The following PCDHGB6 variants were observed in gnomAD, a reference collection of about 807,000 sequenced individuals.
PCDHGB6 encodes protocadherin gamma subfamily B, 6, also known as protocadherin gamma-B6.
In PCDHGB6, 51 loss-of-function variants were observed where a neutral mutation model predicts 59.1. The observed-to-expected ratio is 0.86, with a 90% confidence interval of 0.69 to 1.09. The LOEUF is 1.09. PCDHGB6 is among the 50% of genes least tolerant of loss of function. The pLI, the probability that PCDHGB6 is intolerant of heterozygous loss-of-function variation, is 0.00. For missense variants in PCDHGB6, 1,148 were observed against 1,205.1 expected, an observed-to-expected ratio of 0.95 and a Z score of 0.70; for synonymous variants, 466 against 495.1, an observed-to-expected ratio of 0.94 and a Z score of 0.78.
chr5:141,458,701 C>A (rs1057501287), intron 1 of PCDHGB6, among the ~76,000 whole-genome samples: 3 of 152,088 alleles, frequency 2.0e-5, no homozygotes, highest in Non-Finnish European at 2.9e-5. Context: ...TCCCGAGTAG[C>A]TGGGATTACA....
Position 141,511,151 on chromosome 5 carries a change from C to G in PCDHGB6, c.2771C>G (p.Ser924Trp). The change falls in exon 4 of 4, where the codon TCG becomes TGG. Residue 924 changes from serine (S) to tryptophan (W), a missense_variant. Around this residue, in one of 5 missense-constraint regions of PCDHGB6, gnomAD observed 283 missense variants for 318.6 expected, o/e 0.89. Transcript: ENST00000520790. ...PAGGNGNKKK[S>W]GKKEKK ...GGTGGCAATGGCAACAAGAAGAAGTCGGGCAAGAAGGAGAAGAAGTAACAT... is the reference window on the plus strand; with the variant it reads ...GGTGGCAATGGCAACAAGAAGAAGTGGGGCAAGAAGGAGAAGAAGTAACAT... The G allele has an allele frequency of 6.2e-7, 1 of 1,614,152 alleles. No individual in the cohort carries two copies. Among genetic ancestry groups the G allele is most frequent in the Non-Finnish European group, 8.5e-7 (1 of 1,179,994 alleles).
intron 2 of PCDHGB6, among the ~76,000 whole-genome samples, chr5:141,501,751 C>G (rs188896150): frequency 1.4e-3 from 218 of 152,250 alleles, no homozygotes; most frequent in South Asian, 3.1e-3. Flanking sequence ...ATAGGAAGCT[C>G]TCAGTAAATG....
intron 1 of PCDHGB6, chr5:141,478,485 G>C (rs2099459345): frequency 1.2e-6 from 2 of 1,613,204 alleles, no homozygotes; most frequent in East Asian, 4.5e-5. Flanking sequence ...AACACGCTGC[G>C]GAGCTGTGAT....
At chr5:141,415,709 C>A in intron 1 of PCDHGB6, 1 of 1,092,276 alleles carries the variant, frequency 9.2e-7, no homozygotes, top group Non-Finnish European at 1.3e-6. Context: ...AATGCTAAAA[C>A]ACTGATGAGT....
At chr5:141,509,454 G>T (rs1164813611) in intron 3 of PCDHGB6, among the ~76,000 whole-genome samples, 2 of 151,976 alleles carry the variant, frequency 1.3e-5, no homozygotes, top group African/African-American at 2.4e-5. Flanking sequence ...TCCCACCCCC[G>T]ACCCAGTCAG....
chr5:141,462,202 C>T (rs188546035), intron 1 of PCDHGB6, among the ~76,000 whole-genome samples: 1,522 of 152,002 alleles, frequency 0.01, 33 homozygotes, highest in African/African-American at 0.034. Flanking sequence ...TCAGGTGATC[C>T]GCCTGCCTCG....
intron 1 of PCDHGB6, chr5:141,417,708 G>C (rs1028054307): frequency 1.2e-4 from 152 of 1,227,878 alleles, no homozygotes; most frequent in East Asian, 4.9e-4. Context: ...CCACACAGAG[G>C]CTCCCGGCTG....
intron 1 of PCDHGB6, among the ~76,000 whole-genome samples, chr5:141,473,759 C>G (rs989399714): frequency 3.3e-5 from 5 of 152,158 alleles, no homozygotes; most frequent in African/African-American, 1.2e-4. Flanking sequence ...GGATACTATG[C>G]AAAGGATTTG....
chr5:141,476,825 G>A lies in PCDHGB6; in HGVS notation c.2419-17982G>A. ...GCCTATTCACATCAAGGTGCTGGACGCGAATGACAATGCGCCTGTCTTCAA... is the reference window on the plus strand; with the variant it reads ...GCCTATTCACATCAAGGTGCTGGACACGAATGACAATGCGCCTGTCTTCAA... On this transcript the variant is annotated intron_variant, in intron 1 of 3. Transcript: ENST00000520790. The surrounding 1 kb of genome is among the most constrained non-coding windows in gnomAD (Gnocchi z 7.6). 6.2e-7 allele frequency: 1 copy of A among 1,613,554 alleles called. No individual in the cohort carries two copies. Among genetic ancestry groups the A allele is most frequent in the East Asian group, 2.2e-5 (1 of 44,870 alleles).
chr5:141,494,812 C>G lies in PCDHGB6; in HGVS notation c.2424C>G (p.Ala808=). The part of the protein sequence containing the change: ...TSHPETLTSQ[A]PPNTDWRFSQ... ...TCCCTCTGTTTTCTCCACAGCAAGCCCCGCCCAACACGGACTGGCGTTTCT... is the reference window on the plus strand; with the variant it reads ...TCCCTCTGTTTTCTCCACAGCAAGCGCCGCCCAACACGGACTGGCGTTTCT... The change falls in exon 2 of 4, where the codon GCC becomes GCG. Residue 808 remains alanine, a synonymous_variant. Coordinates refer to ENST00000520790, the MANE Select transcript of PCDHGB6 (RefSeq NM_018926.3). 4 of 1,614,146 alleles carry G rather than the reference C, an allele frequency of 2.5e-6. No homozygotes were observed. The highest frequency in any genetic ancestry group is 3.4e-6 in the Non-Finnish European group (4 of 1,180,016).
rs540507159 is a variant in PCDHGB6 at position 141,422,671 on chromosome 5, A to G, written c.2418+12051A>G. On this transcript the variant is annotated intron_variant, in intron 1 of 3. Coordinates refer to ENST00000520790, the MANE Select transcript of PCDHGB6 (RefSeq NM_018926.3). The stretch of plus-strand genomic sequence containing the variant: ...CTCAGTGACCGCCCTCGACCCGGAC[A>G]GCAAACAGAATGCCCTGGTCACTTA... 4 of 1,607,248 alleles carry G rather than the reference A, an allele frequency of 2.5e-6. No homozygotes were observed. The Admixed American group carries it at 5.0e-5, about 20-fold the overall frequency.
chr5:141,430,720 T>G, intron 1 of PCDHGB6: 1 of 1,486,390 alleles, frequency 6.7e-7, no homozygotes, highest in East Asian at 2.4e-5. Flanking sequence ...ACTTCAGTGG[T>G]TAAGGGCAGA....
chr5:141,408,655 A>G lies in PCDHGB6; in HGVS notation c.453A>G (p.Arg151=), dbSNP rs778418746. The change falls in exon 1 of 4, where the codon CGA becomes CGG. Residue 151 remains arginine, a synonymous_variant. Transcript: ENST00000520790. The part of the protein sequence containing the change: ...EIFESASAGT[R]LSLDPATDPD... Reference sequence around the variant, plus strand: ...TCGAATCTGCATCCGCTGGTACACGACTATCGCTTGACCCTGCCACGGATC... The same window carrying G: ...TCGAATCTGCATCCGCTGGTACACGGCTATCGCTTGACCCTGCCACGGATC... The G allele has an allele frequency of 6.2e-7, 1 of 1,613,928 alleles. No homozygotes were observed. Among genetic ancestry groups the G allele is most frequent in the African/African-American group, 1.3e-5 (1 of 74,928 alleles).
In PCDHGB6 at chr5:141,487,258, G is replaced by T. The variant is rs368598017; in HGVS notation, c.2419-7549G>T. On this transcript the variant is annotated intron_variant, in intron 1 of 3. Transcript: ENST00000520790. The surrounding 1 kb of genome is among the most constrained non-coding windows in gnomAD (Gnocchi z 5.0). ...CTCGTCTAACCCTCTACTTGGCTGT[G>T]TCCCTAGTGGCAATTTGCTTTGTCT... 1.5e-4 allele frequency: 240 copies of T among 1,614,026 alleles called. 1 individual carries two copies. The highest frequency in any genetic ancestry group is 3.3e-5 in the Admixed American group (2 of 60,004).
intron 1 of PCDHGB6, chr5:141,419,779 G>A (rs1439735185): frequency 1.2e-6 from 2 of 1,614,064 alleles, no homozygotes; most frequent in Non-Finnish European, 8.5e-7. Flanking sequence ...CGGTCCGCCA[G>A]CGCCTGCTAG....
intron 1 of PCDHGB6, among the ~76,000 whole-genome samples, chr5:141,434,881 A>C (rs1221252749): frequency 6.6e-6 from 1 of 151,958 alleles, no homozygotes; most frequent in Non-Finnish European, 1.5e-5. Context: ...AGATACCAAC[A>C]ACAATCCAGT....
In PCDHGB6 at chr5:141,487,218, C is replaced by G. The variant is rs2099641338; in HGVS notation, c.2419-7589C>G. The stretch of plus-strand genomic sequence containing the variant: ...CCAGATCTTCGAGAATCTTCAGCTC[C>G]AAGGGAAGGAGAATCTCGTCTAACC... On this transcript the variant is annotated intron_variant, in intron 1 of 3. Transcript: ENST00000520790. The surrounding 1 kb of genome is among the most constrained non-coding windows in gnomAD (Gnocchi z 5.0). 1 of 1,613,820 alleles carries G rather than the reference C, an allele frequency of 6.2e-7. No homozygotes were observed. The highest frequency in any genetic ancestry group is 1.1e-5 in the South Asian group (1 of 91,078).
At chr5:141,421,238 G>A (rs920128735) in intron 1 of PCDHGB6, 1 of 1,597,540 alleles carries the variant, frequency 6.3e-7, no homozygotes, top group African/African-American at 1.3e-5. Context: ...ATGGCGAATC[G>A]GCTACAGCGC....
chr5:141,421,455 C>A (rs762490406), intron 1 of PCDHGB6: 1 of 1,614,108 alleles, frequency 6.2e-7, no homozygotes, highest in South Asian at 1.1e-5. Flanking sequence ...CACAGCTTTT[C>A]GCTGTGAATC....
Sources: gnomAD v4.1 joint callset for allele counts (sites outside exome capture counted in the v4.1 genomes callset) on GRCh38, gnomAD v4.1.1 for gene constraint, gnomAD v4.1.1 regional missense constraint, Gnocchi (gnomAD v3.1) non-coding constraint, MANE v1.5 for transcripts, NCBI Gene and HGNC (gene_info 2026-07-23, HGNC 2026-07-21) for gene names.